Variants in SNTG1 observed in about 807,000 individuals in gnomAD.
The protein encoded by SNTG1 is gamma-1-syntrophin.
Under a neutral mutation model 74.7 loss-of-function variants are expected in SNTG1, and 39 were observed. The ratio of observed to expected loss-of-function variants is 0.52; its 90% CI spans 0.40 to 0.68. SNTG1 has a LOEUF of 0.68. Ranked by LOEUF, SNTG1 falls within the 30% of genes least tolerant of loss-of-function variation. The probability of loss-of-function intolerance (pLI) is 0.00; values close to 1 mark genes in which losing one functional copy is unlikely to be tolerated. For synonymous variants in SNTG1, 254 were observed against 217.1 expected (o/e 1.17, Z -1.49); for missense variants, 685 against 609.5 (o/e 1.12, Z -1.30).
chr8:50,100,955 C>A (rs942780083), intron 1 of SNTG1, among the ~76,000 whole-genome samples: 1 of 151,986 alleles, frequency 6.6e-6, no homozygotes, highest in Non-Finnish European at 1.5e-5. Flanking sequence ...TTCAAATATT[C>A]CCTGGTGTCT....
intron 1 of SNTG1, among the ~76,000 whole-genome samples, chr8:49,975,890 T>C (rs1185930343): frequency 6.6e-6 from 1 of 152,156 alleles, no homozygotes; most frequent in Non-Finnish European, 1.5e-5. Flanking sequence ...TTCAACATTT[T>C]TTCCTACTTA....
At chr8:49,975,709 C>T (rs1407933207) in intron 1 of SNTG1, among the ~76,000 whole-genome samples, 1 of 151,880 alleles carries the variant, frequency 6.6e-6, no homozygotes, top group Non-Finnish European at 1.5e-5. Flanking sequence ...GGAAAGATTT[C>T]TCCTGTTTTA....
intron 2 of SNTG1, among the ~76,000 whole-genome samples, chr8:50,280,059 T>C (rs2088350918): frequency 6.6e-6 from 1 of 152,220 alleles, no homozygotes; most frequent in South Asian, 2.1e-4. Flanking sequence ...AAATAGTTTG[T>C]TCCAAATTAT....
intron 2 of SNTG1, among the ~76,000 whole-genome samples, chr8:50,374,369 C>T (rs2092332725): frequency 6.6e-6 from 1 of 152,198 alleles, no homozygotes; most frequent in African/African-American, 2.4e-5. Flanking sequence ...TTTAATAAAA[C>T]TATATAGGCA....
chr8:50,521,134 C>G (rs2094176068), intron 9 of SNTG1, among the ~76,000 whole-genome samples: 2 of 152,100 alleles, frequency 1.3e-5, no homozygotes, highest in African/African-American at 4.8e-5. Context: ...ATGGATGAAA[C>G]TGGAAACCAT....
chr8:50,707,147 C>G (rs2095446011), intron 16 of SNTG1, among the ~76,000 whole-genome samples: 1 of 151,864 alleles, frequency 6.6e-6, no homozygotes, highest in South Asian at 2.1e-4. Context: ...CTATTTGTTT[C>G]AATTTCATGA....
chr8:50,370,230 A>G (rs1423458599), intron 2 of SNTG1, among the ~76,000 whole-genome samples: 3 of 152,172 alleles, frequency 2.0e-5, no homozygotes, highest in Non-Finnish European at 4.4e-5. Flanking sequence ...GCGTGCTATG[A>G]AGGAGCTCTT....
At chr8:50,169,092 T>C (rs2082723026) in intron 1 of SNTG1, among the ~76,000 whole-genome samples, 1 of 152,230 alleles carries the variant, frequency 6.6e-6, no homozygotes, top group Non-Finnish European at 1.5e-5. Context: ...AAAACACTTA[T>C]TTTCTTTCTG....
intron 13 of SNTG1, among the ~76,000 whole-genome samples, chr8:50,636,860 C>G (rs2095042429): frequency 1.3e-5 from 2 of 152,058 alleles, no homozygotes; most frequent in African/African-American, 4.8e-5. Flanking sequence ...ATTCCAAGTC[C>G]CCAAATGTAT....
In SNTG1 at chr8:49,969,385, ATCTTTTTTTTTTTT is replaced by A. The variant is rs1207612983; in HGVS notation, c.-103+57156_-103+57169del. 2.1e-4 allele frequency among the ~76,000 whole-genome samples: 24 copies of A among 116,626 alleles called. 1 individual carries two copies. The highest frequency in any genetic ancestry group is 7.0e-4 in the African/African-American group (21 of 30,074). The allele number at this position is 116,626 out of a possible 152,430, so 76.5% of individuals were successfully genotyped here. ...GCAAATACACATTTTAATTCATTTA[ATCTTTTTTTTTTTT>A]TTTTTTTTTTTTTTTGAAATGGACT... On this transcript the variant is annotated intron_variant, in intron 1 of 18. Transcript: ENST00000642720.
intron 12 of SNTG1, among the ~76,000 whole-genome samples, chr8:50,585,969 ACACTAGGATATTC>A (rs1267414698): frequency 2.0e-5 from 3 of 152,296 alleles, no homozygotes; most frequent in African/African-American, 7.2e-5. Context: ...CAATTGATAA[ACACTAGGATATTC>A]CACCAGTGCC....
At chr8:50,055,109 C>T (rs564602682) in intron 1 of SNTG1, among the ~76,000 whole-genome samples, 6 of 152,212 alleles carry the variant, frequency 3.9e-5, no homozygotes, top group Admixed American at 1.3e-4. Context: ...CTCACTCTTT[C>T]CCACACTAAC....
intron 8 of SNTG1, among the ~76,000 whole-genome samples, chr8:50,465,048 G>C (rs1276605583): frequency 6.6e-6 from 1 of 151,676 alleles, no homozygotes; most frequent in Non-Finnish European, 1.5e-5. Context: ...GGTCAGTTAA[G>C]TCAAGCACAA....
chr8:50,232,929 T>C (rs2132075334), intron 2 of SNTG1, among the ~76,000 whole-genome samples: 1 of 151,614 alleles, frequency 6.6e-6, no homozygotes, highest in Non-Finnish European at 1.5e-5. Flanking sequence ...AATAAAAATG[T>C]AAATAAAGTC....
chr8:50,555,000 T>C (rs2094447786), intron 12 of SNTG1, among the ~76,000 whole-genome samples: 1 of 152,180 alleles, frequency 6.6e-6, no homozygotes, highest in Non-Finnish European at 1.5e-5. Context: ...CAAACGTCTA[T>C]TCAGTTAGAA....
intron 12 of SNTG1, among the ~76,000 whole-genome samples, chr8:50,588,848 A>T (rs931138085): frequency 6.6e-6 from 1 of 152,126 alleles, no homozygotes; most frequent in Admixed American, 6.6e-5. Flanking sequence ...TTATTATTTT[A>T]TTATTGTATT....
chr8:50,709,181 C>T (rs898509785), intron 17 of SNTG1: 56 of 542,662 alleles, frequency 1.0e-4, no homozygotes, highest in Non-Finnish European at 3.0e-5. Context: ...TACCACAAAA[C>T]TATAACTATG....
chr8:50,426,457 AAATAAT>A (rs2093164723), intron 4 of SNTG1, among the ~76,000 whole-genome samples: 3 of 151,890 alleles, frequency 2.0e-5, no homozygotes, highest in South Asian at 4.1e-4. Context: ...TTTAAAAATA[AAATAAT>A]AATAATAAAT....
intron 17 of SNTG1, among the ~76,000 whole-genome samples, chr8:50,747,474 T>C (rs936764657): frequency 6.6e-6 from 1 of 151,968 alleles, no homozygotes; most frequent in Non-Finnish European, 1.5e-5. Flanking sequence ...AATTGGCGTA[T>C]AAAAATTAAT....
Sources: gnomAD v4.1 joint callset for allele counts (sites outside exome capture counted in the v4.1 genomes callset) on GRCh38, gnomAD v4.1.1 for gene constraint, MANE v1.5 for transcripts, NCBI Gene and HGNC (gene_info 2026-07-23, HGNC 2026-07-21) for gene names.